Variants in CNTNAP2 observed in about 807,000 individuals in gnomAD.
CNTNAP2 encodes contactin-associated protein-like 2.
CNTNAP2 carries 98 observed loss-of-function variants against 155.2 expected under a neutral mutation model. The observed-to-expected ratio is 0.63, with a 90% CI of 0.54 to 0.75. The LOEUF (loss-of-function observed/expected upper bound fraction) is 0.75, where lower values mean the gene tolerates loss of function less well. Ranked by LOEUF, CNTNAP2 falls within the 30% of genes least tolerant of loss-of-function variation. The pLI, the probability that CNTNAP2 is intolerant of heterozygous loss-of-function variation, is 0.00. For synonymous variants in CNTNAP2, 651 were observed against 631.2 expected (o/e 1.03, Z -0.47); for missense variants, 1,727 against 1,688.1 (o/e 1.02, Z -0.40).
At chr7:146,991,484 T>C (rs1466843752) in intron 3 of CNTNAP2, among the ~76,000 whole-genome samples, 1 of 152,098 alleles carries the variant, frequency 6.6e-6, no homozygotes, top group African/African-American at 2.4e-5. Context: ...ACTGCCACAG[T>C]GGGGCACACC....
In CNTNAP2 at chr7:146,901,870, C is replaced by CTTTTTT. The variant is rs71165048; in HGVS notation, c.402+61984_402+61989dup. On this transcript the variant is annotated intron_variant, in intron 3 of 23. Coordinates refer to ENST00000361727, the MANE Select transcript of CNTNAP2 (RefSeq NM_014141.6). The stretch of plus-strand genomic sequence containing the variant: ...TACAGTTTTTCTTGCATATATGCTC[C>CTTTTTT]TTTTTTTTTTTTTTTTTTTTTTTGA... Among the ~76,000 whole-genome samples, 114 of 88,218 alleles carry CTTTTTT rather than the reference C, an allele frequency of 1.3e-3. 2 individuals carry two copies. Among genetic ancestry groups the CTTTTTT allele is most frequent in the Non-Finnish European group, 1.7e-3 (77 of 45,268 alleles). 57.9% of individuals were successfully genotyped at this position (88,218 alleles called of 152,430 possible). A position where few individuals can be genotyped will look rare whatever the true frequency, so the allele number is the denominator to read the frequency against.
intron 16 of CNTNAP2, among the ~76,000 whole-genome samples, chr7:148,136,632 C>T (rs11983777): frequency 2.6e-5 from 4 of 152,244 alleles, no homozygotes; most frequent in African/African-American, 7.2e-5. Context: ...TACTGCTAAC[C>T]GATGACCCTA....
chr7:146,331,790 C>T (rs1024488380), intron 1 of CNTNAP2, among the ~76,000 whole-genome samples: 1 of 152,120 alleles, frequency 6.6e-6, no homozygotes, highest in African/African-American at 2.4e-5. Context: ...AAAGAATGTG[C>T]AGTCATCTCT....
intron 21 of CNTNAP2, among the ~76,000 whole-genome samples, chr7:148,269,835 C>A (rs117543685): frequency 1.3e-3 from 204 of 152,274 alleles, no homozygotes; most frequent in Middle Eastern, 0.01. Context: ...GGTACTCCCA[C>A]GGTTCAGTTG....
intron 14 of CNTNAP2, among the ~76,000 whole-genome samples, chr7:147,947,557 A>T (rs1332631735): frequency 6.6e-6 from 1 of 151,128 alleles, no homozygotes; most frequent in African/African-American, 2.4e-5. Context: ...TAAGCCAGGG[A>T]GGTAGAGAGG....
chr7:146,881,442 A>G (rs892591219), intron 3 of CNTNAP2, among the ~76,000 whole-genome samples: 2 of 152,062 alleles, frequency 1.3e-5, no homozygotes, highest in Non-Finnish European at 2.9e-5. Flanking sequence ...TTACAAAATC[A>G]TCTTAAGGCC....
intron 2 of CNTNAP2, among the ~76,000 whole-genome samples, chr7:146,833,277 T>C (rs934573438): frequency 5.3e-5 from 8 of 152,172 alleles, no homozygotes; most frequent in Non-Finnish European, 1.0e-4. Context: ...ACTTTTGACT[T>C]TGTTGACTTC....
intron 13 of CNTNAP2, among the ~76,000 whole-genome samples, chr7:147,706,830 T>G (rs984321742): frequency 6.6e-6 from 1 of 152,208 alleles, no homozygotes; most frequent in Non-Finnish European, 1.5e-5. Flanking sequence ...TTTTAATTTT[T>G]TAAAATTATT....
intron 13 of CNTNAP2, among the ~76,000 whole-genome samples, chr7:147,661,163 A>G (rs1795602886): frequency 6.6e-6 from 1 of 152,130 alleles, no homozygotes; most frequent in Non-Finnish European, 1.5e-5. Flanking sequence ...TCCTCCAGTT[A>G]ACCCAGCCCC....
chr7:146,383,049 G>T lies in CNTNAP2; in HGVS notation c.97+266076G>T, dbSNP rs542842897. 2.0e-5 allele frequency among the ~76,000 whole-genome samples: 3 copies of T among 152,120 alleles called. No homozygotes were observed. In the East Asian group the frequency reaches 5.8e-4, roughly 29 times the overall value. On this transcript the variant is annotated intron_variant, in intron 1 of 23. Coordinates refer to ENST00000361727, the MANE Select transcript of CNTNAP2 (RefSeq NM_014141.6). ...ACCATTATAGCTGTAAAGCCTTCTGGCATAGCTGGCATTTTCATTGAACTC... is the reference window on the plus strand; with the variant it reads ...ACCATTATAGCTGTAAAGCCTTCTGTCATAGCTGGCATTTTCATTGAACTC...
intron 13 of CNTNAP2, among the ~76,000 whole-genome samples, chr7:147,824,018 T>C (rs1242006673): frequency 3.3e-5 from 5 of 152,122 alleles, no homozygotes; most frequent in Non-Finnish European, 5.9e-5. Flanking sequence ...AGAAGGTGTA[T>C]GGGGATGGCT....
intron 9 of CNTNAP2, among the ~76,000 whole-genome samples, chr7:147,354,445 T>C (rs1413440875): frequency 6.6e-6 from 1 of 152,172 alleles, no homozygotes; most frequent in African/African-American, 2.4e-5. Flanking sequence ...CAGATTGTTC[T>C]AGATGTGTGG....
At chr7:146,136,169 A>G (rs1797794282) in intron 1 of CNTNAP2, among the ~76,000 whole-genome samples, 1 of 152,182 alleles carries the variant, frequency 6.6e-6, no homozygotes, top group South Asian at 2.1e-4. Flanking sequence ...TAAGAAGATG[A>G]TCAGATTGAT....
At chr7:146,427,727 C>G (rs1195116618) in intron 1 of CNTNAP2, among the ~76,000 whole-genome samples, 1 of 152,090 alleles carries the variant, frequency 6.6e-6, no homozygotes, top group Non-Finnish European at 1.5e-5. Context: ...TCTAATGTAT[C>G]TTTTTTAAAA....
At chr7:147,115,680 T>C (rs1311549612) in intron 5 of CNTNAP2, among the ~76,000 whole-genome samples, 1 of 152,138 alleles carries the variant, frequency 6.6e-6, no homozygotes, top group Non-Finnish European at 1.5e-5. Context: ...TATTCCTCTC[T>C]AACCTGGGTG....
At chr7:147,779,204 T>G (rs1584950868) in intron 13 of CNTNAP2, among the ~76,000 whole-genome samples, 1 of 152,256 alleles carries the variant, frequency 6.6e-6, no homozygotes, top group African/African-American at 2.4e-5. Context: ...TTATGCATCC[T>G]CTTGCAGCTG....
intron 19 of CNTNAP2, among the ~76,000 whole-genome samples, chr7:148,222,400 G>C (rs1360869580): frequency 6.6e-6 from 1 of 152,214 alleles, no homozygotes; most frequent in Non-Finnish European, 1.5e-5. Flanking sequence ...ACATGGCGAG[G>C]TTAAGCTGCC....
At chr7:147,563,313 T>G (rs1800100627) in intron 12 of CNTNAP2, among the ~76,000 whole-genome samples, 1 of 152,152 alleles carries the variant, frequency 6.6e-6, no homozygotes, top group Admixed American at 6.5e-5. Context: ...TGAAAAAATT[T>G]AAAGGCTTTA....
At chr7:146,650,970 T>G (rs549198007) in intron 1 of CNTNAP2, among the ~76,000 whole-genome samples, 2 of 151,906 alleles carry the variant, frequency 1.3e-5, no homozygotes, top group East Asian at 1.9e-4. Flanking sequence ...CAGTGAGATA[T>G]GATCACGCTG....
Sources: gnomAD v4.1 joint callset for allele counts (sites outside exome capture counted in the v4.1 genomes callset) on GRCh38, gnomAD v4.1.1 for gene constraint, MANE v1.5 for transcripts, NCBI Gene and HGNC (gene_info 2026-07-23, HGNC 2026-07-21) for gene names.